Variants in CDH4 observed in about 807,000 individuals in gnomAD.
CDH4 encodes the protein cadherin-4.
In CDH4, 33 loss-of-function variants were observed where a neutral mutation model predicts 86.0. The ratio of observed to expected loss-of-function variants is 0.38; its 90% CI spans 0.29 to 0.51. The LOEUF (loss-of-function observed/expected upper bound fraction) is 0.51, where lower values mean the gene tolerates loss of function less well. Among genes scored for constraint, CDH4 ranks in the 20% least tolerant of loss-of-function variants. The probability of loss-of-function intolerance (pLI) is 0.86; values close to 1 mark genes in which losing one functional copy is unlikely to be tolerated. For missense variants in CDH4, 1,114 were observed against 1,307.4 expected (o/e 0.85, Z 2.28); for synonymous variants, 555 against 549.4 (o/e 1.01, Z -0.14).
chr20:61,273,274 T>C (rs553166709), intron 2 of CDH4, among the ~76,000 whole-genome samples: 5 of 127,076 alleles, frequency 3.9e-5, no homozygotes, highest in African/African-American at 1.2e-4. Context: ...CGTGTGCAGT[T>C]TGGGGGAGTA....
chr20:61,472,607 A>G (rs761492433), intron 2 of CDH4, among the ~76,000 whole-genome samples: 1 of 152,174 alleles, frequency 6.6e-6, no homozygotes, highest in Non-Finnish European at 1.5e-5. Context: ...ACTATTTTAA[A>G]CTGATGACAA....
At position 61,844,648 on chromosome 20, in the gene CDH4, G is replaced by T; in HGVS notation, c.577-20G>T. 6.2e-7 allele frequency: 1 copy of T among 1,600,084 alleles called. No individual in the cohort carries two copies. The highest frequency in any genetic ancestry group is 8.5e-7 in the Non-Finnish European group (1 of 1,169,806). On this transcript the variant is annotated intron_variant, in intron 4 of 15. Transcript: ENST00000614565. ...CCTCACCACAGGATAACCTCTTCTCGCTTTGCTCCTGCCTTTCAGATCCGG... is the reference window on the plus strand; with the variant it reads ...CCTCACCACAGGATAACCTCTTCTCTCTTTGCTCCTGCCTTTCAGATCCGG...
chr20:61,572,952 G>A (rs73304613), intron 2 of CDH4, among the ~76,000 whole-genome samples: 2,463 of 151,316 alleles, frequency 0.016, 68 homozygotes, highest in African/African-American at 0.055. Flanking sequence ...GGACATATGG[G>A]TGTACAGACA....
intron 2 of CDH4, among the ~76,000 whole-genome samples, chr20:61,258,580 A>G (rs2084113617): frequency 6.6e-6 from 1 of 152,216 alleles, no homozygotes; most frequent in Non-Finnish European, 1.5e-5. Flanking sequence ...ATATCATTTC[A>G]GGATGTTCTT....
At chr20:61,786,373 C>G (rs991098226) in intron 4 of CDH4, among the ~76,000 whole-genome samples, 5 of 152,114 alleles carry the variant, frequency 3.3e-5, no homozygotes, top group Non-Finnish European at 7.3e-5. Flanking sequence ...GCCCGGCAGC[C>G]AGACACAGCG....
At chr20:61,487,847 T>C (rs770665225) in intron 2 of CDH4, among the ~76,000 whole-genome samples, 5 of 152,218 alleles carry the variant, frequency 3.3e-5, no homozygotes, top group Admixed American at 6.5e-5. Context: ...GTCAAAGTCT[T>C]GTCCGTGGAA....
rs1204289781 is a variant in CDH4, at chr20:61,684,913, G to A, written c.170-58650G>A. 5.3e-5 allele frequency among the ~76,000 whole-genome samples: 8 copies of A among 151,450 alleles called. 1 individual carries two copies. Among genetic ancestry groups the A allele is most frequent in the Admixed American group, 6.6e-5 (1 of 15,220 alleles). ...CGTTATTAAGATATAAAAACTTACC[G>A]TGAAATTCCCCTGTTTAAAGTGTAC... On this transcript the variant is annotated intron_variant, in intron 2 of 15. Coordinates refer to ENST00000614565, the MANE Select transcript of CDH4 (RefSeq NM_001794.5). The surrounding 1 kb of genome is among the most constrained non-coding windows in gnomAD (Gnocchi z 4.5).
intron 2 of CDH4, among the ~76,000 whole-genome samples, chr20:61,622,342 G>GTAC (rs2086785614): frequency 6.6e-6 from 1 of 152,262 alleles, no homozygotes; most frequent in African/African-American, 2.4e-5. Flanking sequence ...CCCCTGCTAT[G>GTAC]TACTCCCTGG....
chr20:61,631,193 CCT>C (rs2086884592), intron 2 of CDH4, among the ~76,000 whole-genome samples: 1 of 152,170 alleles, frequency 6.6e-6, no homozygotes, highest in African/African-American at 2.4e-5. Context: ...CCTGGAGGCC[CCT>C]GACTCTCCCA....
intron 2 of CDH4, among the ~76,000 whole-genome samples, chr20:61,309,458 C>A (rs6129095): frequency 1.3e-5 from 2 of 151,928 alleles, no homozygotes; most frequent in East Asian, 3.9e-4. Context: ...CTGTCTTCCT[C>A]GAGTTTCCAG....
chr20:61,548,805 A>T (rs1033581290), intron 2 of CDH4, among the ~76,000 whole-genome samples: 1 of 152,330 alleles, frequency 6.6e-6, no homozygotes, highest in Admixed American at 6.5e-5. Flanking sequence ...GAGGAGTTGG[A>T]GACAGGAAGG....
chr20:61,921,046 G>A (rs1353130131), intron 9 of CDH4, among the ~76,000 whole-genome samples: 1 of 150,834 alleles, frequency 6.6e-6, no homozygotes, highest in Non-Finnish European at 1.5e-5. Context: ...GCGTGTCATG[G>A]TGATTGCGTG....
intron 2 of CDH4, among the ~76,000 whole-genome samples, chr20:61,496,224 A>G (rs2085661238): frequency 6.6e-6 from 1 of 151,700 alleles, no homozygotes; most frequent in Non-Finnish European, 1.5e-5. Context: ...ACACAGTGAG[A>G]CCCTGTCTGT....
chr20:61,400,620 C>T (rs1331283522), intron 2 of CDH4, among the ~76,000 whole-genome samples: 3 of 152,342 alleles, frequency 2.0e-5, no homozygotes, highest in Non-Finnish European at 2.9e-5. Context: ...CTCATCTCTG[C>T]ACCATCGGGA....
chr20:61,861,501 C>A (rs147672451), intron 6 of CDH4, among the ~76,000 whole-genome samples: 184 of 152,316 alleles, frequency 1.2e-3, no homozygotes, highest in African/African-American at 4.2e-3. Flanking sequence ...CTGAACGCCC[C>A]TGCTAACCAC....
chr20:61,453,610 T>G (rs1339237618), intron 2 of CDH4, among the ~76,000 whole-genome samples: 1 of 152,226 alleles, frequency 6.6e-6, no homozygotes, highest in Non-Finnish European at 1.5e-5. Context: ...AGATGGTGCC[T>G]TCTGGGCAGC....
intron 5 of CDH4, among the ~76,000 whole-genome samples, chr20:61,846,020 A>C (rs1479305965): frequency 6.6e-6 from 1 of 152,246 alleles, no homozygotes; most frequent in Non-Finnish European, 1.5e-5. Flanking sequence ...GGGCTCACTA[A>C]GCATTCAAGG....
At chr20:61,385,652 T>C (rs746738208) in intron 2 of CDH4, among the ~76,000 whole-genome samples, 30 of 152,238 alleles carry the variant, frequency 2.0e-4, no homozygotes, top group Admixed American at 3.9e-4. Flanking sequence ...TCTCCCGTTA[T>C]CTTCTGTTGC....
chr20:61,436,746 A>C (rs543144226), intron 2 of CDH4: 1 of 152,344 alleles, frequency 6.6e-6, no homozygotes, highest in African/African-American at 2.4e-5. Flanking sequence ...TCTGGAGGTC[A>C]GGCTAGCTCC....
Sources: allele counts gnomAD v4.1 joint callset (sites outside exome capture counted in the v4.1 genomes callset), GRCh38; gene constraint gnomAD v4.1.1; non-coding constraint Gnocchi (gnomAD v3.1); transcripts MANE v1.5; gene names NCBI Gene and HGNC (gene_info 2026-07-23, HGNC 2026-07-21).